Variants in MTAP observed in about 807,000 individuals in gnomAD.
The protein encoded by MTAP is methylthioadenosine phosphorylase, also known as S-methyl-5'-thioadenosine phosphorylase.
A neutral mutation model predicts 33.6 loss-of-function variants in MTAP; 33 were observed. The observed-to-expected ratio is 0.98, with a 90% confidence interval of 0.74 to 1.31. MTAP has a LOEUF of 1.31. MTAP is among the 40% of genes most tolerant of loss of function. The pLI is 0.00. For missense variants in MTAP, 367 were observed against 360.0 expected (o/e 1.02, Z -0.16); for synonymous variants, 148 against 125.7 (o/e 1.18, Z -1.19).
intron 4 of MTAP, 86 bp downstream of exon 4, chr9:21,818,288 C>CTGGGAG (rs1222064663): frequency 2.5e-5 from 19 of 772,168 alleles, no homozygotes; most frequent in Non-Finnish European, 3.2e-5. Flanking sequence ...GGCAGGGCAA[C>CTGGGAG]TGGGAGGGCA....
At chr9:21,879,896 A>C (rs1410749224) in intron 1 of MTAP, among the ~76,000 whole-genome samples, 1 of 152,078 alleles carries the variant, frequency 6.6e-6, no homozygotes, top group East Asian at 1.9e-4. Context: ...TTCATCTGAG[A>C]GGTCCACTGT....
chr9:21,893,868 AAATC>A (rs1394066118), intron 1 of MTAP: 3 of 152,010 alleles, frequency 2.0e-5, no homozygotes, highest in Non-Finnish European at 4.4e-5. Context: ...AAAAAAAAAA[AAATC>A]AAAGGAGGAG....
At chr9:21,939,074 A>G (rs1435014300), downstream of MTAP, among the ~76,000 whole-genome samples, 2 of 152,136 alleles carry the variant, frequency 1.3e-5, no homozygotes, top group Non-Finnish European at 2.9e-5. Context: ...TTCCCATGCT[A>G]TTCTCGTGAT....
At chr9:21,887,631 A>T (rs1479791044) in intron 1 of MTAP, among the ~76,000 whole-genome samples, 1 of 152,224 alleles carries the variant, frequency 6.6e-6, no homozygotes, top group Non-Finnish European at 1.5e-5. Flanking sequence ...ATACCCAGTA[A>T]TGGGATGGCT....
At chr9:21,925,085 A>G (rs766620778) in intron 1 of MTAP, among the ~76,000 whole-genome samples, 4 of 152,344 alleles carry the variant, frequency 2.6e-5, no homozygotes, top group Admixed American at 6.5e-5. Flanking sequence ...GTCAGCCCCA[A>G]TTGGGATTAC....
Position 21,921,824 on chromosome 9 carries a change from A to G in MTAP, c.148-9184A>G, listed in dbSNP as rs543844147. On this transcript the variant is annotated intron_variant, in intron 1 of 1. Coordinates refer to the MTAP transcript ENST00000577563. The stretch of plus-strand genomic sequence containing the variant: ...CATCTCTATTAAAAATAAACATAAT[A>G]ATAACAATTAGCCAGGCATGGTGGC... Among the ~76,000 whole-genome samples, 4 of 152,196 alleles carry G rather than the reference A, an allele frequency of 2.6e-5. No homozygotes were observed. In the East Asian group the frequency reaches 7.7e-4, roughly 29 times the overall value.
intron 1 of MTAP, among the ~76,000 whole-genome samples, chr9:21,899,789 G>T (rs559687834): frequency 2.0e-5 from 3 of 152,080 alleles, no homozygotes; most frequent in Non-Finnish European, 4.4e-5. Context: ...ATTTGGATGG[G>T]AACACAGAGC....
chr9:21,898,932 A>AC (rs1221367574), intron 1 of MTAP, among the ~76,000 whole-genome samples: 1 of 152,152 alleles, frequency 6.6e-6, no homozygotes, highest in African/African-American at 2.4e-5. Context: ...ACACATGCAC[A>AC]TGTATGTTTA....
rs1818799997 is a variant in MTAP, at chr9:21,922,324, A to G, written c.148-8684A>G. On this transcript the variant is annotated intron_variant, in intron 1 of 1. Coordinates refer to the MTAP transcript ENST00000577563. The surrounding 1 kb of genome is among the most constrained non-coding windows in gnomAD (Gnocchi z 4.8). Reference sequence around the variant, plus strand: ...AAGGAAAAATCAAGAGTGGAGAGACACAAAACTCCAGAAGCATGCCAACAT... The same window carrying G: ...AAGGAAAAATCAAGAGTGGAGAGACGCAAAACTCCAGAAGCATGCCAACAT... Among the ~76,000 whole-genome samples, 1 of 152,070 alleles carries G rather than the reference A, an allele frequency of 6.6e-6. No homozygotes were observed. Among genetic ancestry groups the G allele is most frequent in the South Asian group, 2.1e-4 (1 of 4,798 alleles).
chr9:21,857,385 T>G (rs372750421), intron 6 of MTAP, among the ~76,000 whole-genome samples: 2 of 152,224 alleles, frequency 1.3e-5, no homozygotes, highest in African/African-American at 4.8e-5. Flanking sequence ...CAAACTCCCC[T>G]CTGCTACAGT....
At chr9:21,824,537 A>G (rs1322965011) in intron 4 of MTAP, among the ~76,000 whole-genome samples, 5 of 151,998 alleles carry the variant, frequency 3.3e-5, no homozygotes, top group African/African-American at 1.2e-4. Context: ...CAGTTAGCCT[A>G]CTCGGGGTTC....
intron 5 of MTAP, among the ~76,000 whole-genome samples, chr9:21,853,329 T>C (rs1825561367): frequency 6.6e-6 from 1 of 152,188 alleles, no homozygotes; most frequent in South Asian, 2.1e-4. Flanking sequence ...ATTTAGGCTT[T>C]TGCATTTATA....
chr9:21,832,146 C>G (rs1563838774), intron 4 of MTAP, among the ~76,000 whole-genome samples: 1 of 152,144 alleles, frequency 6.6e-6, no homozygotes, highest in Non-Finnish European at 1.5e-5. Flanking sequence ...TTCGACTTTG[C>G]TTTTGTCACG....
chr9:21,832,314 G>A (rs1440725560), intron 4 of MTAP, among the ~76,000 whole-genome samples: 1 of 152,224 alleles, frequency 6.6e-6, no homozygotes, highest in Non-Finnish European at 1.5e-5. Context: ...GAGGTTGGGA[G>A]TATGCTCTGA....
At chr9:21,805,599 G>A (rs1824188555) in intron 1 of MTAP, among the ~76,000 whole-genome samples, 1 of 152,232 alleles carries the variant, frequency 6.6e-6, no homozygotes. Context: ...GGTATTAGAA[G>A]ATGGGGCCTT....
At chr9:21,843,677 A>G (rs1211411868) in intron 5 of MTAP, among the ~76,000 whole-genome samples, 3 of 152,254 alleles carry the variant, frequency 2.0e-5, no homozygotes, top group African/African-American at 4.8e-5. Context: ...CAAGATGGAA[A>G]TTAAAATATT....
chr9:21,855,538 A>G (rs931977717), intron 6 of MTAP, among the ~76,000 whole-genome samples: 25 of 152,114 alleles, frequency 1.6e-4, no homozygotes, highest in Admixed American at 3.9e-4. Flanking sequence ...GAAAGGAGGG[A>G]GACTGGGGAG....
intron 5 of MTAP, among the ~76,000 whole-genome samples, chr9:21,844,279 T>C (rs1382435883): frequency 6.6e-6 from 1 of 152,180 alleles, no homozygotes; most frequent in African/African-American, 2.4e-5. Context: ...CCAGAGGGAT[T>C]CACAGCTGAA....
intron 1 of MTAP, among the ~76,000 whole-genome samples, chr9:21,886,353 C>G (rs528227653): frequency 6.6e-6 from 1 of 152,020 alleles, no homozygotes; most frequent in Non-Finnish European, 1.5e-5. Flanking sequence ...GGATATTAGT[C>G]TTTTGTCAGA....
Sources: gnomAD v4.1 joint callset for allele counts (sites outside exome capture counted in the v4.1 genomes callset) on GRCh38, gnomAD v4.1.1 for gene constraint, Gnocchi (gnomAD v3.1) non-coding constraint, MANE v1.5 for transcripts, NCBI Gene and HGNC (gene_info 2026-07-23, HGNC 2026-07-21) for gene names.